Variants in ZC3HAV1 observed in about 807,000 individuals in gnomAD.
ZC3HAV1 encodes zinc finger CCCH-type antiviral protein 1.
A neutral mutation model predicts 86.6 loss-of-function variants in ZC3HAV1; 41 were observed. The ratio of observed to expected loss-of-function variants is 0.47; its 90% CI spans 0.37 to 0.61. The LOEUF (loss-of-function observed/expected upper bound fraction) is 0.61. ZC3HAV1 is among the 20% of genes least tolerant of loss of function. The pLI is 0.00. For synonymous variants in ZC3HAV1, 421 were observed against 432.1 expected, an observed-to-expected ratio of 0.97 and a Z score of 0.32; for missense variants, 964 against 1,141.1, an observed-to-expected ratio of 0.84 and a Z score of 2.24.
chr7:139,071,584 G>C (rs1037732842), intron 7 of ZC3HAV1, among the ~76,000 whole-genome samples: 1 of 152,102 alleles, frequency 6.6e-6, no homozygotes, highest in East Asian at 1.9e-4. Context: ...TGACAGAATC[G>C]CTTATTTGAC....
intron 5 of ZC3HAV1, among the ~76,000 whole-genome samples, chr7:139,077,645 T>C (rs1816991921): frequency 6.6e-6 from 1 of 152,240 alleles, no homozygotes; most frequent in Non-Finnish European, 1.5e-5. Flanking sequence ...GGCACAGGGC[T>C]AGGCATACAA....
chr7:139,086,174 C>T (rs1393031262), intron 2 of ZC3HAV1, among the ~76,000 whole-genome samples: 3 of 152,138 alleles, frequency 2.0e-5, no homozygotes, highest in Admixed American at 1.3e-4. Context: ...TTCCATCCTA[C>T]TCCCCTAAGT....
intron 2 of ZC3HAV1, among the ~76,000 whole-genome samples, chr7:139,085,849 C>T (rs552219945): frequency 1.6e-4 from 25 of 151,964 alleles, no homozygotes; most frequent in Non-Finnish European, 1.9e-4. Flanking sequence ...CCCATCTCTA[C>T]GAAAAATACA....
At chr7:139,063,329 G>A (rs1194848827) in intron 8 of ZC3HAV1, among the ~76,000 whole-genome samples, 1 of 151,630 alleles carries the variant, frequency 6.6e-6, no homozygotes, top group Non-Finnish European at 1.5e-5. Context: ...TCTTCCAGTC[G>A]GCCCACATGC....
At chr7:139,058,452 C>A (rs1053641464) in intron 9 of ZC3HAV1, among the ~76,000 whole-genome samples, 8 of 133,068 alleles carry the variant, frequency 6.0e-5, no homozygotes, top group Admixed American at 1.4e-4. Flanking sequence ...CCCCCCCCCC[C>A]CCACAAAAAA....
intron 1 of ZC3HAV1, among the ~76,000 whole-genome samples, chr7:139,092,669 T>C (rs12672278): frequency 0.19 from 29,195 of 152,132 alleles, 2,994 homozygotes; most frequent in East Asian, 0.36. Context: ...GAACCTCAGG[T>C]GTCCAGGCTT....
At position 139,047,438 on chromosome 7, in the gene ZC3HAV1, A is replaced by T. The variant is rs1193822427; in HGVS notation, c.*156T>A. ...TCAGAATTTGTTTAAAACCTCCCAG[A>T]TGATTCTAATATGTAGCAAAATTTG... is the stretch of plus-strand genomic sequence containing the variant. On this transcript the variant is annotated 3_prime_UTR_variant, in exon 13 of 13. Coordinates refer to ENST00000242351, the MANE Select transcript of ZC3HAV1 (RefSeq NM_020119.4). 5 of 983,366 alleles carry T rather than the reference A, an allele frequency of 5.1e-6. No homozygotes were observed. Among genetic ancestry groups the T allele is most frequent in the Non-Finnish European group, 7.4e-6 (5 of 674,810 alleles). The allele number at this position is 983,366 out of a possible 1,614,324, so 60.9% of individuals were successfully genotyped here. A position where few individuals can be genotyped will look rare whatever the true frequency, so the allele number is the denominator to read the frequency against.
chr7:139,107,024 G>A (rs1319677852), intron 1 of ZC3HAV1, among the ~76,000 whole-genome samples: 1 of 151,960 alleles, frequency 6.6e-6, no homozygotes, highest in East Asian at 1.9e-4. Context: ...AAAATAAAAA[G>A]CATATGTATT....
rs1451363738 is a variant in ZC3HAV1 at position 139,044,182 on chromosome 7, A to G, written c.*3412T>C. On this transcript the variant is annotated 3_prime_UTR_variant, in exon 13 of 13. Coordinates refer to ENST00000242351, the MANE Select transcript of ZC3HAV1 (RefSeq NM_020119.4). ...TTGTCTTGTCCTATTATCCTTAAGT[A>G]AGGTAATTTCGCTCTTTCTTTTCCC... The G allele has an allele frequency of 6.6e-6, 1 of 152,198 alleles. No homozygotes were observed. The highest frequency in any genetic ancestry group is 1.5e-5 in the Non-Finnish European group (1 of 68,046). The allele number at this position is 152,198 out of a possible 1,614,324, so 9.4% of individuals were successfully genotyped here. A position where few individuals can be genotyped will look rare whatever the true frequency, so the allele number is the denominator to read the frequency against.
At position 139,084,045 on chromosome 7, in the gene ZC3HAV1, G is replaced by A. The variant is rs575832480; in HGVS notation, c.445-13C>T. The A allele has an allele frequency of 1.2e-6, 2 of 1,607,190 alleles. No homozygotes were observed. The highest frequency in any genetic ancestry group is 1.7e-6 in the Non-Finnish European group (2 of 1,174,414). On this transcript the variant is annotated splice_polypyrimidine_tract_variant and intron_variant, in intron 2 of 12. Coordinates refer to ENST00000242351, the MANE Select transcript of ZC3HAV1 (RefSeq NM_020119.4). ...AACTTTTGCATATCTACAGAAGGGAGAAACAACAGCCAGAGTCAAAACACC... is the reference window on the plus strand; with the variant it reads ...AACTTTTGCATATCTACAGAAGGGAAAAACAACAGCCAGAGTCAAAACACC...
chr7:139,065,439 A>G (rs1816571099), intron 7 of ZC3HAV1, among the ~76,000 whole-genome samples: 1 of 152,186 alleles, frequency 6.6e-6, no homozygotes, highest in Non-Finnish European at 1.5e-5. Context: ...AGGGAAGTAA[A>G]GAAAGACCAT....
At chr7:139,096,277 G>A (rs999922497) in intron 1 of ZC3HAV1, among the ~76,000 whole-genome samples, 1 of 152,162 alleles carries the variant, frequency 6.6e-6, no homozygotes, top group Non-Finnish European at 1.5e-5. Flanking sequence ...GCCTCCCAAA[G>A]TGCTGGGATT....
At chr7:139,052,300 G>A (rs188773102) in intron 12 of ZC3HAV1, among the ~76,000 whole-genome samples, 176 of 111,096 alleles carry the variant, frequency 1.6e-3, no homozygotes, top group African/African-American at 5.8e-3. Flanking sequence ...CCTCTGGTTT[G>A]TTTGTTTTTA....
Position 139,083,717 on chromosome 7 carries a change from ACT to A in ZC3HAV1, c.697+61_697+62del, listed in dbSNP as rs1584861566. 13 of 1,470,234 alleles carry A rather than the reference ACT, an allele frequency of 8.8e-6. No individual in the cohort carries two copies. The East Asian group carries it at 2.6e-4, about 29-fold the overall frequency. The allele number at this position is 1,470,234 out of a possible 1,614,324, so 91.1% of individuals were successfully genotyped here. On this transcript the variant is annotated intron_variant, in intron 3 of 12. Transcript: ENST00000242351. Reference sequence around the variant, plus strand: ...ACTCCAGCTTGGGTGACAGAGAGAGACTCTGTCTCAAAAAAAAAAAAAAAAAA... The same window carrying A: ...ACTCCAGCTTGGGTGACAGAGAGAGACTGTCTCAAAAAAAAAAAAAAAAAA...
chr7:139,058,941 A>G lies in ZC3HAV1; in HGVS notation c.2096+2095T>C, dbSNP rs571666675. ...CTGCTGTCTGGAAGGGCCATAAAGC[A>G]TGGTCTCACTAGTTGAGACTAACTG... On this transcript the variant is annotated intron_variant, in intron 9 of 12. Transcript: ENST00000242351. Among the ~76,000 whole-genome samples, 43 of 152,286 alleles carry G rather than the reference A, an allele frequency of 2.8e-4. 1 individual carries two copies. The South Asian group carries it at 8.9e-3, about 32-fold the overall frequency.
chr7:139,107,000 T>G, intron 1 of ZC3HAV1, among the ~76,000 whole-genome samples: 1 of 151,982 alleles, frequency 6.6e-6, no homozygotes, highest in East Asian at 1.9e-4. Flanking sequence ...AAAATATCCA[T>G]AGTAAGAAAT....
chr7:139,097,141 AAAT>A (rs1481985440), intron 1 of ZC3HAV1, among the ~76,000 whole-genome samples: 4 of 151,602 alleles, frequency 2.6e-5, no homozygotes, highest in African/African-American at 9.7e-5. Flanking sequence ...CTGTCTAAAA[AAAT>A]AATAATAATA....
intron 1 of ZC3HAV1, among the ~76,000 whole-genome samples, chr7:139,101,745 A>G (rs1223424885): frequency 3.6e-4 from 53 of 148,580 alleles, no homozygotes; most frequent in South Asian, 4.3e-4. Flanking sequence ...TGCTGTGTCC[A>G]CTCAGGGTTA....
At chr7:139,084,527 A>T (rs1414686905) in intron 2 of ZC3HAV1, among the ~76,000 whole-genome samples, 2 of 152,226 alleles carry the variant, frequency 1.3e-5, no homozygotes, top group Admixed American at 1.3e-4. Context: ...CTAGCTCTGA[A>T]GAGATGTAGT....
Sources: gnomAD v4.1 joint callset for allele counts (sites outside exome capture counted in the v4.1 genomes callset) on GRCh38, gnomAD v4.1.1 for gene constraint, MANE v1.5 for transcripts, NCBI Gene and HGNC (gene_info 2026-07-23, HGNC 2026-07-21) for gene names.